PHACTR2: variants seen among roughly 807,000 people sequenced by gnomAD.
PHACTR2 encodes the protein chromosome 6 open reading frame 56.
Under a neutral mutation model 76.0 loss-of-function variants are expected in PHACTR2, and 30 were observed. The observed-to-expected ratio is 0.39, with a 90% CI of 0.30 to 0.54. The LOEUF (loss-of-function observed/expected upper bound fraction) is 0.54. Among genes scored for constraint, PHACTR2 ranks in the 20% least tolerant of loss-of-function variants. The pLI is 0.61. For synonymous variants in PHACTR2, 292 were observed against 292.5 expected (o/e 1.00, Z 0.02); for missense variants, 696 against 781.1 (o/e 0.89, Z 1.30).
Position 143,789,556 on chromosome 6 carries a change from T to C in PHACTR2, c.1845+646T>C, listed in dbSNP as rs925482013. Among the ~76,000 whole-genome samples the C allele has an allele frequency of 6.6e-5, 10 of 152,236 alleles. No individual in the cohort carries two copies. The highest frequency in any genetic ancestry group is 1.2e-4 in the Non-Finnish European group (8 of 68,042). On this transcript the variant is annotated intron_variant, in intron 11 of 12. Transcript: ENST00000440869. This position sits in a 1 kb window ranked among gnomAD's most constrained non-coding sequence, Gnocchi z 5.1. The stretch of plus-strand genomic sequence containing the variant: ...TATCAATGTAGAAAGACTTTTACCT[T>C]ATTAGTACCATTGTTCCATAGGCAA...
At position 143,819,755 on chromosome 6, in the gene PHACTR2, C is replaced by T. The variant is rs1008948195; in HGVS notation, c.1923-3919C>T. Among the ~76,000 whole-genome samples, 7 of 152,210 alleles carry T rather than the reference C, an allele frequency of 4.6e-5. No individual in the cohort carries two copies. Among genetic ancestry groups the T allele is most frequent in the African/African-American group, 9.6e-5 (4 of 41,530 alleles). ...TCTCTGGCAGATTGGCTGTGGCCACCGACACTGAGGGAAGATCTTCCCTAC... is the reference window on the plus strand; with the variant it reads ...TCTCTGGCAGATTGGCTGTGGCCACTGACACTGAGGGAAGATCTTCCCTAC... On this transcript the variant is annotated intron_variant, in intron 12 of 12. Coordinates refer to ENST00000440869, the MANE Select transcript of PHACTR2 (RefSeq NM_001100164.2). The surrounding 1 kb of genome is among the most constrained non-coding windows in gnomAD (Gnocchi z 5.0).
rs1775620994 is a variant in PHACTR2, at chr6:143,789,134, C to T, written c.1845+224C>T. On this transcript the variant is annotated intron_variant, in intron 11 of 12. Coordinates refer to ENST00000440869, the MANE Select transcript of PHACTR2 (RefSeq NM_001100164.2). This position sits in a 1 kb window ranked among gnomAD's most constrained non-coding sequence, Gnocchi z 5.1. ...AAGTAGTTATTTACCATATAACCTA[C>T]CTGCTTTCATACCTGGATGAGGAGG... The T allele has an allele frequency of 2.6e-6, 1 of 382,134 alleles. No individual in the cohort carries two copies. The highest frequency in any genetic ancestry group is 4.8e-6 in the Non-Finnish European group (1 of 209,490). The allele number at this position is 382,134 out of a possible 1,614,324, so 23.7% of individuals were successfully genotyped here. A position where few individuals can be genotyped will look rare whatever the true frequency, so the allele number is the denominator to read the frequency against.
chr6:143,782,652 CT>C lies in PHACTR2; in HGVS notation c.1646-566del, dbSNP rs1215034669. Among the ~76,000 whole-genome samples the C allele has an allele frequency of 5.3e-5, 8 of 152,264 alleles. No individual in the cohort carries two copies. Among genetic ancestry groups the C allele is most frequent in the Admixed American group, 3.9e-4 (6 of 15,298 alleles). ...ACATCATAACCTCATTTAGAACATT[CT>C]GGTTTGAAAGCAAAGTCCAAGGAAA... On this transcript the variant is annotated intron_variant, in intron 9 of 12. Coordinates refer to ENST00000440869, the MANE Select transcript of PHACTR2 (RefSeq NM_001100164.2). The surrounding 1 kb of genome is among the most constrained non-coding windows in gnomAD (Gnocchi z 4.6).
intron 1 of PHACTR2, among the ~76,000 whole-genome samples, chr6:143,565,362 T>A (rs1775347920): frequency 6.6e-6 from 1 of 152,144 alleles, no homozygotes; most frequent in Non-Finnish European, 1.5e-5. Flanking sequence ...CTCACGCCTG[T>A]AATCCCGGCA....
At position 143,689,697 on chromosome 6, in the gene PHACTR2, T is replaced by C. The variant is rs1014202756; in HGVS notation, c.46+11488T>C. Among the ~76,000 whole-genome samples the C allele has an allele frequency of 3.0e-5, 2 of 66,518 alleles. No individual in the cohort carries two copies. Among genetic ancestry groups the C allele is most frequent in the African/African-American group, 1.3e-4 (2 of 15,298 alleles). The allele number at this position is 66,518 out of a possible 152,430, so 43.6% of individuals were successfully genotyped here. On this transcript the variant is annotated intron_variant, in intron 1 of 12. Transcript: ENST00000440869. The surrounding 1 kb of genome is among the most constrained non-coding windows in gnomAD (Gnocchi z 4.4). Reference sequence around the variant, plus strand: ...TCCCATTTTCTCATCTTCTCAAGTCTTTTTTTTTTTTTTGAGATGGAGTGT... The same window carrying C: ...TCCCATTTTCTCATCTTCTCAAGTCCTTTTTTTTTTTTTGAGATGGAGTGT...
In PHACTR2 at chr6:143,583,301, A is replaced by G. The variant is rs1162586367; in HGVS notation, c.217+46094A>G. Among the ~76,000 whole-genome samples, 1 of 152,250 alleles carries G rather than the reference A, an allele frequency of 6.6e-6. No individual in the cohort carries two copies. Among genetic ancestry groups the G allele is most frequent in the Non-Finnish European group, 1.5e-5 (1 of 68,044 alleles). ...AATGAAAGCACTTATACCATGTGAG[A>G]ATGGGTTACAGAAACACATGCTAGC... On this transcript the variant is annotated intron_variant, in intron 1 of 11. Transcript: ENST00000367584. This position sits in a 1 kb window ranked among gnomAD's most constrained non-coding sequence, Gnocchi z 4.0.
chr6:143,546,090 A>AG lies in PHACTR2; in HGVS notation c.217+8885dup. On this transcript the variant is annotated intron_variant, in intron 1 of 11. Coordinates refer to the PHACTR2 transcript ENST00000367584. This position sits in a 1 kb window ranked among gnomAD's most constrained non-coding sequence, Gnocchi z 4.9. ...TGTAGTTTCGGTTACAGTGAAACTCAGGAAAAAACATTGAAGCAGCTTTAG... is the reference window on the plus strand; with the variant it reads ...TGTAGTTTCGGTTACAGTGAAACTCAGGGAAAAAACATTGAAGCAGCTTTAG... Among the ~76,000 whole-genome samples the AG allele has an allele frequency of 6.6e-6, 1 of 152,344 alleles. No individual in the cohort carries two copies. Among genetic ancestry groups the AG allele is most frequent in the South Asian group, 2.1e-4 (1 of 4,830 alleles).
chr6:143,655,801 G>A (rs1582740943), intron 1 of PHACTR2, among the ~76,000 whole-genome samples: 1 of 152,296 alleles, frequency 6.6e-6, no homozygotes, highest in East Asian at 1.9e-4. Context: ...CCATACACAT[G>A]AAAGTTCTTC....
intron 1 of PHACTR2, among the ~76,000 whole-genome samples, chr6:143,601,985 G>A (rs558793079): frequency 1.3e-5 from 2 of 152,210 alleles, no homozygotes; most frequent in South Asian, 2.1e-4. Context: ...ACCAAATCAA[G>A]GTAATGGAGA....
rs779128705 is a variant in PHACTR2, at chr6:143,760,658, G to A, written c.694+18G>A. ...AGAGGCTGGTGAGTATGCCCCCAGTGCCCTGTGGGGTCACTTCTAGGGTGC... is the reference window on the plus strand; with the variant it reads ...AGAGGCTGGTGAGTATGCCCCCAGTACCCTGTGGGGTCACTTCTAGGGTGC... On this transcript the variant is annotated intron_variant, in intron 5 of 12. Transcript: ENST00000440869. This position sits in a 1 kb window ranked among gnomAD's most constrained non-coding sequence, Gnocchi z 6.4. 2.5e-6 allele frequency: 4 copies of A among 1,612,944 alleles called. No homozygotes were observed. In the African/African-American group the frequency reaches 5.3e-5, roughly 22 times the overall value.
intron 3 of PHACTR2, among the ~76,000 whole-genome samples, chr6:143,752,064 A>G (rs1004286287): frequency 3.3e-5 from 5 of 152,040 alleles, no homozygotes; most frequent in Non-Finnish European, 7.4e-5. Context: ...TCTCTCTATC[A>G]TAGGATAAGA....
intron 1 of PHACTR2, among the ~76,000 whole-genome samples, chr6:143,630,537 A>G (rs927788455): frequency 1.3e-5 from 2 of 152,220 alleles, no homozygotes. Context: ...TTAATCCTTC[A>G]TAGGGTCGTT....
chr6:143,680,078 C>T lies in PHACTR2; in HGVS notation c.46+1869C>T, dbSNP rs1430532682. On this transcript the variant is annotated intron_variant, in intron 1 of 12. Coordinates refer to ENST00000440869, the MANE Select transcript of PHACTR2 (RefSeq NM_001100164.2). The surrounding 1 kb of genome is among the most constrained non-coding windows in gnomAD (Gnocchi z 4.5). The stretch of plus-strand genomic sequence containing the variant: ...AAAAGAACAGTTTTCTCGTGGTATC[C>T]AGTGTCTCTAAATCCGTTAGAGCTA... 2.6e-5 allele frequency among the ~76,000 whole-genome samples: 4 copies of T among 151,458 alleles called. No individual in the cohort carries two copies. The highest frequency in any genetic ancestry group is 9.7e-5 in the African/African-American group (4 of 41,186).
In PHACTR2 at chr6:143,679,818, G is replaced by T. The variant is rs1286194150; in HGVS notation, c.46+1609G>T. Among the ~76,000 whole-genome samples the T allele has an allele frequency of 6.6e-6, 1 of 152,134 alleles. No individual in the cohort carries two copies. Among genetic ancestry groups the T allele is most frequent in the East Asian group, 1.9e-4 (1 of 5,194 alleles). ...CAAATAAAATGACTGATTATAATGA[G>T]AAACTGTAATCTACTTAAGTAAAAA... On this transcript the variant is annotated intron_variant, in intron 1 of 12. Transcript: ENST00000440869. This position sits in a 1 kb window ranked among gnomAD's most constrained non-coding sequence, Gnocchi z 4.6.
Position 143,695,050 on chromosome 6 carries a change from AG to A in PHACTR2, c.46+16842del, listed in dbSNP as rs1777740468. On this transcript the variant is annotated intron_variant, in intron 1 of 12. Transcript: ENST00000440869. This position sits in a 1 kb window ranked among gnomAD's most constrained non-coding sequence, Gnocchi z 4.4. Reference sequence around the variant, plus strand: ...ATAAGAATTGGGTGCATCAGAATCTAGTGACCCTAGGTCCTTTTGTAAAATG... The same window carrying A: ...ATAAGAATTGGGTGCATCAGAATCTATGACCCTAGGTCCTTTTGTAAAATG... 6.6e-6 allele frequency among the ~76,000 whole-genome samples: 1 copy of A among 152,218 alleles called. No individual in the cohort carries two copies. Among genetic ancestry groups the A allele is most frequent in the Admixed American group, 6.5e-5 (1 of 15,286 alleles).
At position 143,699,027 on chromosome 6, in the gene PHACTR2, C is replaced by T. The variant is rs560800866; in HGVS notation, c.47-12989C>T. Reference sequence around the variant, plus strand: ...ATTGCATCAACTCCCCAGTGCTATTCCCTGCTCATTTTGCGTCCAGTCTTG... The same window carrying T: ...ATTGCATCAACTCCCCAGTGCTATTTCCTGCTCATTTTGCGTCCAGTCTTG... On this transcript the variant is annotated intron_variant, in intron 1 of 12. Transcript: ENST00000440869. 2.0e-5 allele frequency among the ~76,000 whole-genome samples: 3 copies of T among 152,330 alleles called. No individual in the cohort carries two copies. In the South Asian group the frequency reaches 6.2e-4, roughly 32 times the overall value.
Position 143,751,809 on chromosome 6 carries a change from C to CACACAT in PHACTR2, c.296-1940_296-1939insTACACA, listed in dbSNP as rs1779187707. 6.6e-6 allele frequency among the ~76,000 whole-genome samples: 1 copy of CACACAT among 151,696 alleles called. No individual in the cohort carries two copies. Among genetic ancestry groups the CACACAT allele is most frequent in the Non-Finnish European group, 1.5e-5 (1 of 67,950 alleles). On this transcript the variant is annotated intron_variant, in intron 3 of 12. Transcript: ENST00000440869. This position sits in a 1 kb window ranked among gnomAD's most constrained non-coding sequence, Gnocchi z 5.7. ...TTTTACTTACACACACACACACACA[C>CACACAT]ACACACACACACACACTATATCAAG... is the stretch of plus-strand genomic sequence containing the variant.
In PHACTR2 at chr6:143,537,455, T is replaced by C. The variant is rs1297063421; in HGVS notation, c.217+248T>C. 6.6e-6 allele frequency among the ~76,000 whole-genome samples: 1 copy of C among 151,908 alleles called. No individual in the cohort carries two copies. Among genetic ancestry groups the C allele is most frequent in the Non-Finnish European group, 1.5e-5 (1 of 67,972 alleles). Reference sequence around the variant, plus strand: ...GGCTTGGTGCGCCTTGCGGGGCGAGTGTGCAGCCTGGGTTGGGGTAGGGAG... The same window carrying C: ...GGCTTGGTGCGCCTTGCGGGGCGAGCGTGCAGCCTGGGTTGGGGTAGGGAG... On this transcript the variant is annotated intron_variant, in intron 1 of 11. Coordinates refer to the PHACTR2 transcript ENST00000367584. This position sits in a 1 kb window ranked among gnomAD's most constrained non-coding sequence, Gnocchi z 4.4.
At position 143,825,664 on chromosome 6, in the gene PHACTR2, T is replaced by C. The variant is rs1257398076; in HGVS notation, c.*1975T>C. The C allele has an allele frequency of 6.6e-6, 1 of 152,170 alleles. No individual in the cohort carries two copies. The highest frequency in any genetic ancestry group is 1.9e-4 in the East Asian group (1 of 5,204). 9.4% of individuals were successfully genotyped at this position (152,170 alleles called of 1,614,324 possible). A position where few individuals can be genotyped will look rare whatever the true frequency, so the allele number is the denominator to read the frequency against. On this transcript the variant is annotated 3_prime_UTR_variant, in exon 13 of 13. Transcript: ENST00000440869. The surrounding 1 kb of genome is among the most constrained non-coding windows in gnomAD (Gnocchi z 4.1). ...CTTTTCCTTAATTATATTTTTATTT[T>C]ATTATTTTAGTGTCTTGAGAAAAAT...
Sources: allele counts gnomAD v4.1 joint callset (sites outside exome capture counted in the v4.1 genomes callset), GRCh38; gene constraint gnomAD v4.1.1; non-coding constraint Gnocchi (gnomAD v3.1); transcripts MANE v1.5; gene names NCBI Gene and HGNC (gene_info 2026-07-23, HGNC 2026-07-21).